The following PTPRN2 variants were observed in gnomAD, a reference collection of about 807,000 sequenced individuals.
PTPRN2 encodes protein tyrosine phosphatase receptor type N2.
In PTPRN2, 74 loss-of-function variants were observed where a neutral mutation model predicts 118.8. The observed-to-expected ratio is 0.62, with a 90% CI of 0.52 to 0.76. The LOEUF (loss-of-function observed/expected upper bound fraction) is 0.76, where lower values mean the gene tolerates loss of function less well. Among genes scored for constraint, PTPRN2 ranks in the 30% least tolerant of loss-of-function variants. The pLI is 0.00. For synonymous variants in PTPRN2, 641 were observed against 608.0 expected, an observed-to-expected ratio of 1.05 and a Z score of -0.80; for missense variants, 1,481 against 1,394.4, an observed-to-expected ratio of 1.06 and a Z score of -0.99.
At chr7:158,131,663 C>T (rs949952785) in intron 9 of PTPRN2, among the ~76,000 whole-genome samples, 10 of 146,124 alleles carry the variant, frequency 6.8e-5, no homozygotes, top group Admixed American at 2.0e-4. Flanking sequence ...ACACACAAAC[C>T]GATACACATC....
chr7:158,398,915 C>T (rs1394592191), intron 2 of PTPRN2, among the ~76,000 whole-genome samples: 2 of 152,204 alleles, frequency 1.3e-5, no homozygotes, highest in Non-Finnish European at 2.9e-5. Context: ...AATATTGTGA[C>T]TTTGTAAATG....
intron 2 of PTPRN2, among the ~76,000 whole-genome samples, chr7:158,342,054 AC>A (rs1250055763): frequency 2.5e-5 from 3 of 122,324 alleles, no homozygotes; most frequent in Admixed American, 8.0e-5. Context: ...ACACCCGCAG[AC>A]GTTACTCACA....
In PTPRN2 at chr7:158,136,684, G is replaced by C; in HGVS notation, c.1144C>G (p.Gln382Glu). 1 of 1,613,710 alleles carries C rather than the reference G, an allele frequency of 6.2e-7. No individual in the cohort carries two copies. Residue 382 changes from glutamine to glutamate, a missense_variant, in exon 8 of 23, where the codon CAG (glutamine) becomes GAG (glutamate). Around this residue, in one of 3 missense-constraint regions of PTPRN2, gnomAD observed 1,115 missense variants for 994.2 expected, o/e 1.12. Transcript: ENST00000389418. ...TGGTAAAGTCTATCATCGTCGTCCT[G>C]CACTCCGTCATCTGTAAAAGACACC... Reference protein sequence around the residue: ...RGDSFPDDGVQDDDDRLYQEV... With the variant: ...RGDSFPDDGVEDDDDRLYQEV...
chr7:158,523,752 G>C (rs1346027394), intron 1 of PTPRN2, among the ~76,000 whole-genome samples: 1 of 106,446 alleles, frequency 9.4e-6, no homozygotes, highest in African/African-American at 3.8e-5. Flanking sequence ...GTCTGCCCTG[G>C]AGTGGAGTCG....
chr7:158,358,687 C>A (rs1023699992), intron 2 of PTPRN2, among the ~76,000 whole-genome samples: 1 of 152,196 alleles, frequency 6.6e-6, no homozygotes, highest in African/African-American at 2.4e-5. Context: ...GCGGTGCTGC[C>A]TTTAGCGTTC....
In PTPRN2 at chr7:157,821,188, C is replaced by T. The variant is rs574761942; in HGVS notation, c.1788+77485G>A. ...TGAATGTAGGTGGAAGAAGGCAACT[C>T]ACCTGTGAACAGTGCTGTCCTCTCT... On this transcript the variant is annotated intron_variant, in intron 12 of 22. Coordinates refer to ENST00000389418, the MANE Select transcript of PTPRN2 (RefSeq NM_002847.5). 1.9e-3 allele frequency among the ~76,000 whole-genome samples: 287 copies of T among 152,346 alleles called. 1 individual carries two copies. The highest frequency in any genetic ancestry group is 3.5e-3 in the Non-Finnish European group (239 of 68,024).
intron 3 of PTPRN2, among the ~76,000 whole-genome samples, chr7:158,271,333 A>G (rs1798503833): frequency 6.6e-6 from 1 of 152,234 alleles, no homozygotes; most frequent in East Asian, 1.9e-4. Context: ...AATTAACTGA[A>G]TATCCGACAA....
At chr7:158,279,102 C>G (rs1170884509) in intron 3 of PTPRN2, among the ~76,000 whole-genome samples, 1 of 152,200 alleles carries the variant, frequency 6.6e-6, no homozygotes, top group African/African-American at 2.4e-5. Context: ...GAATGGGACC[C>G]AACCGGTTTG....
rs148418754 is a variant in PTPRN2 at position 158,117,549 on chromosome 7, A to C, written c.1557-6634T>G. 3.7e-3 allele frequency among the ~76,000 whole-genome samples: 561 copies of C among 152,328 alleles called. 3 individuals are homozygous for C. Among genetic ancestry groups the C allele is most frequent in the African/African-American group, 0.013 (534 of 41,576 alleles). On this transcript the variant is annotated intron_variant, in intron 9 of 22. Transcript: ENST00000389418. ...GAAAACTTCCCAAGTTTGATGAAAGACATGGATATAAGCATCCAAGAAGCT... is the reference window on the plus strand; with the variant it reads ...GAAAACTTCCCAAGTTTGATGAAAGCCATGGATATAAGCATCCAAGAAGCT...
chr7:158,397,036 C>T (rs1427543900), intron 2 of PTPRN2, among the ~76,000 whole-genome samples: 1 of 152,230 alleles, frequency 6.6e-6, no homozygotes, highest in African/African-American at 2.4e-5. Flanking sequence ...GACCCAGGCC[C>T]CGCTGAAGTG....
chr7:157,975,161 A>C (rs1802648107), intron 11 of PTPRN2, among the ~76,000 whole-genome samples: 1 of 152,132 alleles, frequency 6.6e-6, no homozygotes, highest in Middle Eastern at 3.4e-3. Flanking sequence ...GGGGCCCCCC[A>C]GTTCCTGCCA....
In PTPRN2 at chr7:157,585,189, C is replaced by T. The variant is rs184795285; in HGVS notation, c.2497-7049G>A. On this transcript the variant is annotated intron_variant, in intron 17 of 22. Coordinates refer to ENST00000389418, the MANE Select transcript of PTPRN2 (RefSeq NM_002847.5). This position sits in a 1 kb window ranked among gnomAD's most constrained non-coding sequence, Gnocchi z 5.2. ...GAACCCCCCTGTGCCGCTATCAGATCGACGCCTGTGCTGCCTTGTAGCCCC... is the reference window on the plus strand; with the variant it reads ...GAACCCCCCTGTGCCGCTATCAGATTGACGCCTGTGCTGCCTTGTAGCCCC... 5.9e-5 allele frequency among the ~76,000 whole-genome samples: 9 copies of T among 152,320 alleles called. No homozygotes were observed. Among genetic ancestry groups the T allele is most frequent in the African/African-American group, 2.2e-4 (9 of 41,570 alleles).
At chr7:158,139,495 G>T (rs933999108) in intron 6 of PTPRN2, among the ~76,000 whole-genome samples, 3 of 147,772 alleles carry the variant, frequency 2.0e-5, no homozygotes, top group South Asian at 2.1e-4. Context: ...GAGGGCACGG[G>T]GGGGTGGGAA....
intron 2 of PTPRN2, among the ~76,000 whole-genome samples, chr7:158,395,866 C>T (rs953237410): frequency 6.6e-6 from 1 of 151,970 alleles, no homozygotes. Context: ...CGAATTCGGG[C>T]AGAGCGCCAT....
chr7:158,040,488 C>G (rs1192384686), intron 11 of PTPRN2, among the ~76,000 whole-genome samples: 1 of 152,096 alleles, frequency 6.6e-6, no homozygotes, highest in Non-Finnish European at 1.5e-5. Context: ...TGGACAAAGC[C>G]AGAGAGGGGG....
Position 158,167,118 on chromosome 7 carries a change from A to T in PTPRN2, c.723T>A (p.His241Gln), listed in dbSNP as rs764690131. 1.2e-6 allele frequency: 2 copies of T among 1,613,650 alleles called. No homozygotes were observed. Among genetic ancestry groups the T allele is most frequent in the South Asian group, 1.1e-5 (1 of 91,050 alleles). The change falls in exon 6 of 23, where the codon CAT becomes CAA. Residue 241 changes from histidine (H) to glutamine (Q), a missense_variant. This residue lies in a region of PTPRN2 where 1,115 missense variants were observed against 994.2 expected (regional missense o/e 1.12). Coordinates refer to ENST00000389418, the MANE Select transcript of PTPRN2 (RefSeq NM_002847.5). ...CATAGGCACTGAGGGCCGCCATCAG[A>T]TGGTGTCTGTCCACACCACTGTCCA... ...PKVDSGVDRH[H>Q]LMAALSAYAA...
At position 158,057,245 on chromosome 7, in the gene PTPRN2, G is replaced by A. The variant is rs528250001; in HGVS notation, c.1723+24053C>T. On this transcript the variant is annotated intron_variant, in intron 11 of 22. Transcript: ENST00000389418. Reference sequence around the variant, plus strand: ...CACCTGCCCAGCACATCTGCCTCTCGGCAACCACAGAATGAACCAGAAACT... The same window carrying A: ...CACCTGCCCAGCACATCTGCCTCTCAGCAACCACAGAATGAACCAGAAACT... Among the ~76,000 whole-genome samples, 66 of 152,146 alleles carry A rather than the reference G, an allele frequency of 4.3e-4. No individual in the cohort carries two copies. In the South Asian group the frequency reaches 5.0e-3, roughly 12 times the overall value.
intron 2 of PTPRN2, among the ~76,000 whole-genome samples, chr7:158,483,271 T>C (rs1820771325): frequency 1.3e-5 from 2 of 152,214 alleles, no homozygotes; most frequent in Admixed American, 1.3e-4. Flanking sequence ...GAGAAATTAC[T>C]TTTTCCCCAC....
At chr7:157,827,838 C>T (rs188569617) in intron 12 of PTPRN2, among the ~76,000 whole-genome samples, 3 of 152,312 alleles carry the variant, frequency 2.0e-5, no homozygotes, top group East Asian at 1.9e-4. Context: ...CACCGTGTCA[C>T]GGGCTGTTCC....
Sources: gnomAD v4.1 joint callset for allele counts (sites outside exome capture counted in the v4.1 genomes callset) on GRCh38, gnomAD v4.1.1 for gene constraint, gnomAD v4.1.1 regional missense constraint, Gnocchi (gnomAD v3.1) non-coding constraint, MANE v1.5 for transcripts, NCBI Gene and HGNC (gene_info 2026-07-23, HGNC 2026-07-21) for gene names.